Variants in KCNH4 observed in about 807,000 individuals in gnomAD.
KCNH4 encodes the protein potassium voltage-gated channel subfamily H member 4.
Under a neutral mutation model 90.7 loss-of-function variants are expected in KCNH4, and 33 were observed. The ratio of observed to expected loss-of-function variants is 0.36; its 90% confidence interval spans 0.28 to 0.49. The LOEUF is 0.49. Among genes scored for constraint, KCNH4 ranks in the 20% least tolerant of loss-of-function variants. The pLI is 0.98. For synonymous variants in KCNH4, 551 were observed against 581.7 expected, an observed-to-expected ratio of 0.95 and a Z score of 0.76; for missense variants, 1,044 against 1,387.1, an observed-to-expected ratio of 0.75 and a Z score of 3.93.
At chr17:42,175,461 A>C (rs1447398467) in intron 6 of KCNH4, 118 bp downstream of exon 6, 1 of 1,177,056 alleles carries the variant, frequency 8.5e-7, no homozygotes, top group African/African-American at 1.5e-5. Context: ...TGCCTGATAA[A>C]TATCTGCAGA....
intron 6 of KCNH4, among the ~76,000 whole-genome samples, chr17:42,173,176 T>A (rs2079839129): frequency 6.6e-6 from 1 of 151,956 alleles, no homozygotes; most frequent in African/African-American, 2.4e-5. Context: ...GCCTGGCAGC[T>A]AGGACTGGAG....
Position 42,166,491 on chromosome 17 carries a change from C to T in KCNH4, c.1646G>A (p.Arg549Gln), listed in dbSNP as rs1419373396. The part of the protein sequence containing the change: ...LRADIAMHLN[R>Q]EILQLPLFGA... ...GAACAACGGCAGCTGCAGGATCTCC[C>T]GATTCAGGTGCATAGCAATGTCAGC... Residue 549 changes from arginine (R) to glutamine (Q), a missense_variant, in exon 10 of 17, where the codon CGG (arginine) becomes CAG (glutamine). Physicochemically the swap from Arg to Gln is conservative, Grantham distance 43. This residue lies in a region of KCNH4 where 318 missense variants were observed against 479.6 expected (regional missense o/e 0.66). Transcript: ENST00000264661. 3.7e-6 allele frequency: 6 copies of T among 1,614,036 alleles called. No individual in the cohort carries two copies. Among genetic ancestry groups the T allele is most frequent in the East Asian group, 4.5e-5 (2 of 44,868 alleles).
chr17:42,178,981 G>C lies in KCNH4; in HGVS notation c.122C>G (p.Pro41Arg). The C allele has an allele frequency of 6.2e-7, 1 of 1,614,222 alleles. No homozygotes were observed. Among genetic ancestry groups the C allele is most frequent in the Non-Finnish European group, 8.5e-7 (1 of 1,180,018 alleles). Residue 41 changes from proline (P) to arginine (R), a missense_variant, in exon 2 of 17, where the codon CCC becomes CGC. Around this residue, in one of 4 missense-constraint regions of KCNH4, gnomAD observed 283 missense variants for 378.6 expected, o/e 0.75. Transcript: ENST00000264661. ...LANAQGTRGF[P>R]IVYCSDGFCE... ...GAAGCCGTCGGAGCAGTAGACGATG[G>C]GAAAGCCCCGTGTGCCCTGTGCGTT...
Position 42,175,667 on chromosome 17 carries a change from A to G in KCNH4, c.899T>C (p.Ile300Thr). The change falls in exon 6 of 17, where the codon ATT becomes ACT. Residue 300 changes from isoleucine (I) to threonine (T), a missense_variant. Transcript: ENST00000264661. ...CCAGGTGGCCAGGTAGTGGAGGCCA[A>G]TGGAACGAGGAGCAGAGATTACCTG... is the stretch of plus-strand genomic sequence containing the variant. ...SGQVISAPRS[I>T]GLHYLATWFF... 1 of 1,614,178 alleles carries G rather than the reference A, an allele frequency of 6.2e-7. No individual in the cohort carries two copies. The highest frequency in any genetic ancestry group is 8.5e-7 in the Non-Finnish European group (1 of 1,180,024).
intron 4 of KCNH4, 87 bp downstream of exon 4, chr17:42,178,013 G>T: frequency 6.5e-7 from 1 of 1,535,410 alleles, no homozygotes; most frequent in Non-Finnish European, 8.8e-7. Context: ...ACACCAGACA[G>T]ACAGGGAAGT....
chr17:42,160,365 G>T lies in KCNH4; in HGVS notation c.2729C>A (p.Ala910Asp). ...TGGGTGGCCTGGGGGACCCAGCCTGGCCTGCAGCAGGCCCATGATGTGCCG... is the reference window on the plus strand; with the variant it reads ...TGGGTGGCCTGGGGGACCCAGCCTGTCCTGCAGCAGGCCCATGATGTGCCG... ...ELRHIMGLLQ[A>D]RLGPPGHPAG... is the part of the protein sequence containing the mutation. The change falls in exon 16 of 17, where the codon GCC (alanine) becomes GAC (aspartate). Residue 910 changes from alanine to aspartate, a missense_variant. Ala to Asp is a moderately radical substitution (Grantham distance 126). This residue lies in a region of KCNH4 where 441 missense variants were observed against 512.3 expected (regional missense o/e 0.86). Coordinates refer to ENST00000264661, the MANE Select transcript of KCNH4 (RefSeq NM_012285.3). 1 of 1,613,992 alleles carries T rather than the reference G, an allele frequency of 6.2e-7. No individual in the cohort carries two copies. Among genetic ancestry groups the T allele is most frequent in the East Asian group, 2.2e-5 (1 of 44,860 alleles).
chr17:42,162,239 C>G lies in KCNH4; in HGVS notation c.2658+9G>C, dbSNP rs1190054765. On this transcript the variant is annotated intron_variant, in intron 15 of 16. Coordinates refer to ENST00000264661, the MANE Select transcript of KCNH4 (RefSeq NM_012285.3). ...TATCAGGCACGTCTCTGAGCCAGCCCCAACCCACCTCCTGGTTCAGCCGGC... is the reference window on the plus strand; with the variant it reads ...TATCAGGCACGTCTCTGAGCCAGCCGCAACCCACCTCCTGGTTCAGCCGGC... 1.2e-6 allele frequency: 2 copies of G among 1,613,558 alleles called. No individual in the cohort carries two copies. The highest frequency in any genetic ancestry group is 3.3e-5 in the Admixed American group (2 of 59,986).
chr17:42,169,235 A>G (rs1234900101), intron 9 of KCNH4, among the ~76,000 whole-genome samples: 1 of 151,618 alleles, frequency 6.6e-6, no homozygotes, highest in African/African-American at 2.4e-5. Flanking sequence ...GTGCACCACC[A>G]CAGCTGGCTA....
intron 15 of KCNH4, among the ~76,000 whole-genome samples, chr17:42,161,062 G>A (rs9905247): frequency 1.3e-5 from 2 of 151,330 alleles, no homozygotes; most frequent in East Asian, 1.9e-4. Flanking sequence ...AAGTAGCCGA[G>A]ACTATAGGTG....
chr17:42,175,604 AG>A lies in KCNH4; in HGVS notation c.961del (p.Leu321CysfsTer9), dbSNP rs2079855251. 1 of 1,614,236 alleles carries A rather than the reference AG, an allele frequency of 6.2e-7. No individual in the cohort carries two copies. Reference sequence around the variant, plus strand: ...CACGGTGATGTTGAAGATGTAAAGCAGGTCAAAGGGCAGAGCAGCAATAAGG... The same window carrying A: ...CACGGTGATGTTGAAGATGTAAAGCAGTCAAAGGGCAGAGCAGCAATAAGG... ...IDLIAALPFDLLYIFNITVTS... is the reference protein window; with the variant it reads ...IDLIAALPFDXLYIFNITVTS... On this transcript the variant is annotated frameshift_variant, in exon 6 of 17. Transcript: ENST00000264661. LOFTEE classifies it high-confidence loss of function.
At chr17:42,159,589 A>C (rs903973571) in intron 16 of KCNH4, 142 bp downstream of exon 16, 1 of 153,956 alleles carries the variant, frequency 6.5e-6, no homozygotes, top group African/African-American at 2.4e-5. Context: ...AGAAGACCTC[A>C]CAATATCACT....
At position 42,175,922 on chromosome 17, in the gene KCNH4, A is replaced by G. The variant is rs1417142396; in HGVS notation, c.829+132T>C. 1.0e-5 allele frequency: 13 copies of G among 1,254,184 alleles called. No homozygotes were observed. In the East Asian group the frequency reaches 2.8e-4, roughly 27 times the overall value. 77.7% of individuals were successfully genotyped at this position (1,254,184 alleles called of 1,614,324 possible). A position where few individuals can be genotyped will look rare whatever the true frequency, so the allele number is the denominator to read the frequency against. On this transcript the variant is annotated intron_variant, in intron 5 of 16. Transcript: ENST00000264661. Reference sequence around the variant, plus strand: ...CTGCGGGGAGCAGGACACATGGGCCATTGGGACTTAAAGATGCAGAAAGGA... The same window carrying G: ...CTGCGGGGAGCAGGACACATGGGCCGTTGGGACTTAAAGATGCAGAAAGGA...
chr17:42,165,551 C>T lies in KCNH4; in HGVS notation c.1983G>A (p.Gly661=), dbSNP rs2079781226. 2 of 1,614,200 alleles carry T rather than the reference C, an allele frequency of 1.2e-6. No homozygotes were observed. The highest frequency in any genetic ancestry group is 1.7e-6 in the Non-Finnish European group (2 of 1,180,034). The change falls in exon 11 of 17, where the codon GGG becomes GGA. Residue 661 remains glycine, a synonymous_variant. Coordinates refer to ENST00000264661, the MANE Select transcript of KCNH4 (RefSeq NM_012285.3). The part of the protein sequence containing the change: ...YCGLQQLSSR[G]LAEVLRLYPE... ...GATAGAGCCTCAGGACCTCAGCCAG[C>T]CCTCGGCTGCTCAGCTGCTGCAGGC...
At chr17:42,159,152 C>T (rs1228603576) in intron 16 of KCNH4, among the ~76,000 whole-genome samples, 1 of 151,992 alleles carries the variant, frequency 6.6e-6, no homozygotes, top group Non-Finnish European at 1.5e-5. Context: ...CTCAGCCTCC[C>T]GAGTAGCTGC....
At position 42,178,116 on chromosome 17, in the gene KCNH4, C is replaced by A; in HGVS notation, c.569G>T (p.Gly190Val). 6.2e-7 allele frequency: 1 copy of A among 1,613,940 alleles called. No homozygotes were observed. Among genetic ancestry groups the A allele is most frequent in the Non-Finnish European group, 8.5e-7 (1 of 1,179,894 alleles). ...TGHFGRRGQG[G>V]MKANNNVFEP... ...GGGACTCACATTATTGGCCTTCATG[C>A]CTCCCTGGCCCCGGCGGCCAAAGTG... is the stretch of plus-strand genomic sequence containing the variant. Residue 190 changes from glycine to valine, a missense_variant, in exon 4 of 17, where the codon GGC becomes GTC. Physicochemically the swap from Gly to Val is moderately radical, Grantham distance 109. This residue lies in a region of KCNH4 where 283 missense variants were observed against 378.6 expected (regional missense o/e 0.75). Coordinates refer to ENST00000264661, the MANE Select transcript of KCNH4 (RefSeq NM_012285.3).
At position 42,181,023 on chromosome 17, in the gene KCNH4, G is replaced by A; in HGVS notation, c.-78C>T. 1.5e-6 allele frequency: 2 copies of A among 1,330,960 alleles called. No individual in the cohort carries two copies. Among genetic ancestry groups the A allele is most frequent in the East Asian group, 4.9e-5 (2 of 40,846 alleles). 82.4% of individuals were successfully genotyped at this position (1,330,960 alleles called of 1,614,324 possible). A position where few individuals can be genotyped will look rare whatever the true frequency, so the allele number is the denominator to read the frequency against. On this transcript the variant is annotated 5_prime_UTR_variant, in exon 1 of 17. Transcript: ENST00000264661. Reference sequence around the variant, plus strand: ...GGGCCGGAGGGGGCGCGCTGTCGGAGGGGCCGGGGCGCCCCATGCGCCCTC... The same window carrying A: ...GGGCCGGAGGGGGCGCGCTGTCGGAAGGGCCGGGGCGCCCCATGCGCCCTC...
chr17:42,168,295 G>A (rs2079801496), intron 9 of KCNH4, among the ~76,000 whole-genome samples: 1 of 152,200 alleles, frequency 6.6e-6, no homozygotes, highest in Non-Finnish European at 1.5e-5. Context: ...GTTGGCAGAA[G>A]GGAGAGTCGC....
chr17:42,175,386 C>T (rs2079853902), intron 6 of KCNH4, among the ~76,000 whole-genome samples, 193 bp downstream of exon 6: 2 of 152,394 alleles, frequency 1.3e-5, no homozygotes, highest in South Asian at 4.1e-4. Context: ...GTGAGCTGAG[C>T]TCCCCAGGAT....
chr17:42,165,328 T>C (rs774854080), intron 11 of KCNH4, 121 bp downstream of exon 11: 212 of 1,250,182 alleles, frequency 1.7e-4, no homozygotes, highest in Non-Finnish European at 2.3e-4. Context: ...TGGAGGAGGG[T>C]GCCTGGGCTT....
Sources: allele counts gnomAD v4.1 joint callset (sites outside exome capture counted in the v4.1 genomes callset), GRCh38; gene constraint gnomAD v4.1.1; regional missense constraint gnomAD v4.1.1; transcripts MANE v1.5; gene names NCBI Gene and HGNC (gene_info 2026-07-23, HGNC 2026-07-21).